MYOM3: variants seen among roughly 807,000 people sequenced by gnomAD.
The protein encoded by MYOM3 is myomesin-3.
A neutral mutation model predicts 191.7 loss-of-function variants in MYOM3; 155 were observed. The ratio of observed to expected loss-of-function variants is 0.81; its 90% CI spans 0.71 to 0.92. The LOEUF (loss-of-function observed/expected upper bound fraction) is 0.92. MYOM3 is among the 40% of genes least tolerant of loss of function. The pLI is 0.00. For missense variants in MYOM3, 1,889 were observed against 1,890.6 expected (o/e 1.00, Z 0.02); for synonymous variants, 757 against 762.9 (o/e 0.99, Z 0.13).
intron 7 of MYOM3, among the ~76,000 whole-genome samples, chr1:24,096,285 G>A (rs1435892087): frequency 6.6e-6 from 1 of 152,224 alleles, no homozygotes; most frequent in East Asian, 1.9e-4. Context: ...CACCCAAGTG[G>A]CTACGGAGAT....
intron 26 of MYOM3, 51 bp downstream of exon 26, chr1:24,068,172 G>A (rs1224991348): frequency 6.4e-7 from 1 of 1,572,976 alleles, no homozygotes; most frequent in East Asian, 2.2e-5. Flanking sequence ...GGCCAGGTGT[G>A]CGGGGCAGGG....
intron 16 of MYOM3, chr1:24,083,969 C>G (rs988603739): frequency 1.2e-5 from 2 of 162,640 alleles, no homozygotes; most frequent in Non-Finnish European, 2.7e-5. Context: ...AATGCCAGAA[C>G]AGTACCTGGC....
intron 25 of MYOM3, among the ~76,000 whole-genome samples, chr1:24,070,361 G>T (rs1215604862): frequency 6.6e-6 from 1 of 152,014 alleles, no homozygotes; most frequent in Non-Finnish European, 1.5e-5. Context: ...TGAGGCAGGA[G>T]GATTGCCTGA....
intron 20 of MYOM3, among the ~76,000 whole-genome samples, chr1:24,076,999 T>C (rs1307631050): frequency 6.6e-6 from 1 of 152,082 alleles, no homozygotes; most frequent in African/African-American, 2.4e-5. Context: ...GTTTTGTATT[T>C]TTAGTAGAGG....
intron 2 of MYOM3, 141 bp downstream of exon 2, chr1:24,108,335 C>T (rs139574951): frequency 4.1e-6 from 4 of 984,102 alleles, no homozygotes; most frequent in Admixed American, 3.1e-5. Flanking sequence ...TGTCTCCCCC[C>T]TCAGACAGGG....
chr1:24,061,105 A>T, intron 34 of MYOM3, 23 bp from the exon 35 acceptor site: 1 of 1,614,174 alleles, frequency 6.2e-7, no homozygotes, highest in South Asian at 1.1e-5. Flanking sequence ...AATGGGAACA[A>T]GGTGTGACAT....
chr1:24,068,385 C>T lies in MYOM3; in HGVS notation c.3151-18G>A, dbSNP rs1557603127. On this transcript the variant is annotated intron_variant, in intron 25 of 36. Coordinates refer to ENST00000374434, the MANE Select transcript of MYOM3 (RefSeq NM_152372.4). ...TTGCGGTTCTGAAAAGGACAAACTC[C>T]AGAGTCCTTTTCCCTGTTCTGGGAA... 5.0e-6 allele frequency: 8 copies of T among 1,613,956 alleles called. No individual in the cohort carries two copies. The highest frequency in any genetic ancestry group is 5.9e-6 in the Non-Finnish European group (7 of 1,179,908).
chr1:24,086,555 G>C, intron 15 of MYOM3, 89 bp downstream of exon 15: 1 of 1,336,422 alleles, frequency 7.5e-7, no homozygotes, highest in South Asian at 1.4e-5. Context: ...GCGGGGACAG[G>C]GAAGTGGGCA....
In MYOM3 at chr1:24,107,248, C is replaced by A; in HGVS notation, c.243-16G>T. On this transcript the variant is annotated splice_polypyrimidine_tract_variant and intron_variant, in intron 3 of 36. Transcript: ENST00000374434. ...CTGGGCTTCCCTGCCGTGACAGAGG[C>A]CATCGGGGCTCAGGCAGGGATGGGG... The A allele has an allele frequency of 6.3e-7, 1 of 1,585,170 alleles. No individual in the cohort carries two copies. Among genetic ancestry groups the A allele is most frequent in the Non-Finnish European group, 8.6e-7 (1 of 1,164,330 alleles).
At chr1:24,110,368 GTA>G (rs751095625) in intron 1 of MYOM3, among the ~76,000 whole-genome samples, 5 of 151,978 alleles carry the variant, frequency 3.3e-5, no homozygotes, top group Admixed American at 2.6e-4. Flanking sequence ...GCATGTGTGT[GTA>G]TGTGTGTGTG....
intron 21 of MYOM3, 23 bp downstream of exon 21, chr1:24,076,131 GAGCTC>G: frequency 6.4e-7 from 1 of 1,568,440 alleles, no homozygotes; most frequent in Non-Finnish European, 8.8e-7. Flanking sequence ...CCCAGTGGCA[GAGCTC>G]TGGCCTCTCC....
In MYOM3 at chr1:24,082,786, C is replaced by T. The variant is rs530931059; in HGVS notation, c.1971-72G>A. ...GACATTCCCAAACTTGCTAGAACAA[C>T]TTTGTGGAATAAGTGGTCACCAGCG... On this transcript the variant is annotated intron_variant, in intron 16 of 36. Transcript: ENST00000374434. The T allele has an allele frequency of 4.7e-6, 7 of 1,484,678 alleles. No individual in the cohort carries two copies. The East Asian group carries it at 1.8e-4, about 37-fold the overall frequency. The allele number at this position is 1,484,678 out of a possible 1,614,324, so 92.0% of individuals were successfully genotyped here. A position where few individuals can be genotyped will look rare whatever the true frequency, so the allele number is the denominator to read the frequency against.
chr1:24,086,568 GCTTTGT>G, intron 15 of MYOM3, 70 bp downstream of exon 15: 1 of 1,465,034 alleles, frequency 6.8e-7, no homozygotes, highest in Non-Finnish European at 9.3e-7. Flanking sequence ...AGTGGGCAGG[GCTTTGT>G]CCCTGCAGCT....
In MYOM3 at chr1:24,084,654, C is replaced by G; in HGVS notation, c.1799-15G>C. Reference sequence around the variant, plus strand: ...AGGGAGGGTAGCTAAAAAATAGAAACATGGGCTGAATGAGAAGGCTGAGTT... The same window carrying G: ...AGGGAGGGTAGCTAAAAAATAGAAAGATGGGCTGAATGAGAAGGCTGAGTT... On this transcript the variant is annotated splice_polypyrimidine_tract_variant and intron_variant, in intron 15 of 36. Transcript: ENST00000374434. 2 of 1,602,372 alleles carry G rather than the reference C, an allele frequency of 1.2e-6. No individual in the cohort carries two copies. The highest frequency in any genetic ancestry group is 1.7e-6 in the Non-Finnish European group (2 of 1,174,560).
intron 27 of MYOM3, among the ~76,000 whole-genome samples, chr1:24,067,360 CT>C (rs1259523297): frequency 8.6e-6 from 1 of 116,318 alleles, no homozygotes; most frequent in East Asian, 2.5e-4. Context: ...TTCTTTCTTT[CT>C]TTCTTTCTTT....
In MYOM3 at chr1:24,063,891, G is replaced by A. The variant is rs536172521; in HGVS notation, c.3622+181C>T. Among the ~76,000 whole-genome samples, 1 of 152,226 alleles carries A rather than the reference G, an allele frequency of 6.6e-6. No homozygotes were observed. The highest frequency in any genetic ancestry group is 2.1e-4 in the South Asian group (1 of 4,824). Reference sequence around the variant, plus strand: ...TACTGTGGTGAACGAGGGCATCGGAGTCACACCGACCTGGCTCCTGCCACT... The same window carrying A: ...TACTGTGGTGAACGAGGGCATCGGAATCACACCGACCTGGCTCCTGCCACT... On this transcript the variant is annotated intron_variant, in intron 30 of 36. Coordinates refer to ENST00000374434, the MANE Select transcript of MYOM3 (RefSeq NM_152372.4). This position sits in a 1 kb window ranked among gnomAD's most constrained non-coding sequence, Gnocchi z 4.5.
intron 5 of MYOM3, 95 bp downstream of exon 5, chr1:24,105,825 G>A (rs1643977350): frequency 1.6e-6 from 2 of 1,278,812 alleles, no homozygotes; most frequent in Non-Finnish European, 1.1e-6. Context: ...AGGGTTCACA[G>A]GTCTGCAACA....
chr1:24,066,437 G>A (rs1322920984), intron 28 of MYOM3: 4 of 581,510 alleles, frequency 6.9e-6, no homozygotes, highest in South Asian at 4.2e-5. Context: ...GATGCTCTGA[G>A]TTTACTGAAT....
intron 23 of MYOM3, among the ~76,000 whole-genome samples, chr1:24,073,327 C>T (rs142115060): frequency 0.022 from 3,372 of 152,260 alleles, 57 homozygotes; most frequent in Non-Finnish European, 0.033. Context: ...CTGGTTGCTA[C>T]GGAGGTAGCA....
Sources: allele counts gnomAD v4.1 joint callset (sites outside exome capture counted in the v4.1 genomes callset), GRCh38; gene constraint gnomAD v4.1.1; non-coding constraint Gnocchi (gnomAD v3.1); transcripts MANE v1.5; gene names NCBI Gene and HGNC (gene_info 2026-07-23, HGNC 2026-07-21).